Variants in TMEM178B observed in about 807,000 individuals in gnomAD.
TMEM178B encodes the protein transmembrane protein 178B.
Under a neutral mutation model 31.0 loss-of-function variants are expected in TMEM178B, and 5 were observed. That is an observed-to-expected ratio of 0.16 (90% confidence interval 0.08 to 0.34). The LOEUF (loss-of-function observed/expected upper bound fraction) is 0.34. Among genes scored for constraint, TMEM178B ranks in the 10% least tolerant of loss-of-function variants. The pLI is 1.00. For synonymous variants in TMEM178B, 164 were observed against 164.0 expected (o/e 1.00, Z 0.00); for missense variants, 275 against 400.3 (o/e 0.69, Z 2.67).
intron 1 of TMEM178B, among the ~76,000 whole-genome samples, chr7:141,077,881 T>G (rs1350766298): frequency 5.3e-5 from 8 of 152,260 alleles, no homozygotes; most frequent in African/African-American, 1.9e-4. Context: ...GGACGATTTC[T>G]TGAGCTTTGC....
intron 2 of TMEM178B, among the ~76,000 whole-genome samples, chr7:141,371,560 G>T (rs1308184939): frequency 6.6e-6 from 1 of 152,212 alleles, no homozygotes; most frequent in African/African-American, 2.4e-5. Flanking sequence ...AATAAGTGGG[G>T]CTAGAAGGAA....
chr7:141,111,312 C>A (rs974394256), intron 1 of TMEM178B, among the ~76,000 whole-genome samples: 7 of 152,118 alleles, frequency 4.6e-5, no homozygotes, highest in Admixed American at 1.3e-4. Flanking sequence ...AACCACCCCC[C>A]CAAGATTTGG....
chr7:141,119,702 T>C (rs953932739), intron 1 of TMEM178B, among the ~76,000 whole-genome samples: 3 of 152,098 alleles, frequency 2.0e-5, no homozygotes, highest in Non-Finnish European at 4.4e-5. Context: ...AAGGGTGAGA[T>C]GGAGGAAAGG....
chr7:141,156,769 C>T (rs1001141476), intron 1 of TMEM178B, among the ~76,000 whole-genome samples: 14 of 152,246 alleles, frequency 9.2e-5, no homozygotes, highest in Admixed American at 8.5e-4. Context: ...CAGGGAATTC[C>T]TTTGATGAGA....
intron 3 of TMEM178B, among the ~76,000 whole-genome samples, chr7:141,446,395 G>A (rs1212341287): frequency 3.9e-5 from 6 of 152,196 alleles, no homozygotes; most frequent in Admixed American, 2.0e-4. Flanking sequence ...CCACATGTTC[G>A]CCAGAGCAGG....
chr7:141,497,613 T>A, the TMEM178B span, among the ~76,000 whole-genome samples: 1 of 152,194 alleles, frequency 6.6e-6, no homozygotes, highest in African/African-American at 2.4e-5. Context: ...AGTCCACTGC[T>A]GCATCCCTCC....
At chr7:141,287,109 C>T (rs927930081) in intron 2 of TMEM178B, among the ~76,000 whole-genome samples, 4 of 152,036 alleles carry the variant, frequency 2.6e-5, no homozygotes, top group Non-Finnish European at 4.4e-5. Flanking sequence ...CTTCCATCCA[C>T]CTCCCCTTAT....
intron 1 of TMEM178B, among the ~76,000 whole-genome samples, chr7:141,145,672 G>A (rs1051010632): frequency 8.5e-5 from 13 of 152,148 alleles, no homozygotes; most frequent in Non-Finnish European, 7.4e-5. Context: ...AGAGTTCAGG[G>A]CCCCTTCCTG....
chr7:141,417,034 G>T (rs1801111908), intron 2 of TMEM178B, among the ~76,000 whole-genome samples: 1 of 152,186 alleles, frequency 6.6e-6, no homozygotes, highest in Admixed American at 6.5e-5. Context: ...AAAACAAATA[G>T]AAAAGCCTTT....
chr7:141,393,961 C>T (rs1563170084), intron 2 of TMEM178B, among the ~76,000 whole-genome samples: 1 of 151,782 alleles, frequency 6.6e-6, no homozygotes, highest in Admixed American at 6.6e-5. Flanking sequence ...GATGTTTACC[C>T]TCCATTATTT....
At chr7:141,223,955 C>A (rs946802452) in intron 2 of TMEM178B, among the ~76,000 whole-genome samples, 3 of 152,138 alleles carry the variant, frequency 2.0e-5, no homozygotes, top group South Asian at 2.1e-4. Context: ...CCAAATCTCA[C>A]CTTAAATTGT....
rs116897971 is a variant in TMEM178B, at chr7:141,164,559, G to C, written c.383-48032G>C. Reference sequence around the variant, plus strand: ...TACTCATGTGAAAAATGACAATTTGGACTAGATGGAATTTAAGACCAAGTC... The same window carrying C: ...TACTCATGTGAAAAATGACAATTTGCACTAGATGGAATTTAAGACCAAGTC... On this transcript the variant is annotated intron_variant, in intron 1 of 3. Coordinates refer to ENST00000565468, the MANE Select transcript of TMEM178B (RefSeq NM_001195278.2). Among the ~76,000 whole-genome samples the C allele has an allele frequency of 6.1e-4, 93 of 152,188 alleles. No homozygotes were observed. In the East Asian group the frequency reaches 6.9e-3, roughly 11 times the overall value.
At chr7:141,393,696 G>A (rs1245152242) in intron 2 of TMEM178B, among the ~76,000 whole-genome samples, 2 of 152,206 alleles carry the variant, frequency 1.3e-5, no homozygotes, top group African/African-American at 4.8e-5. Flanking sequence ...ATAATCTCAA[G>A]AAAACTGCAA....
At chr7:141,438,831 G>A (rs975143103) in intron 3 of TMEM178B, among the ~76,000 whole-genome samples, 5 of 145,780 alleles carry the variant, frequency 3.4e-5, no homozygotes, top group Non-Finnish European at 4.5e-5. Context: ...AGCCAAGATC[G>A]TGCCACTGCA....
At position 141,344,596 on chromosome 7, in the gene TMEM178B, CT is replaced by C. The variant is rs1799582001; in HGVS notation, c.497-93010del. ...CCTCCCTTCCTTCCTTCCTTCCTTC[CT>C]TCCTTCCTTCCTTCCTTCCTTCCTT... On this transcript the variant is annotated intron_variant, in intron 2 of 3. Transcript: ENST00000565468. The surrounding 1 kb of genome is among the most constrained non-coding windows in gnomAD (Gnocchi z 4.1). Among the ~76,000 whole-genome samples, 1 of 149,390 alleles carries C rather than the reference CT, an allele frequency of 6.7e-6. No homozygotes were observed. Among genetic ancestry groups the C allele is most frequent in the Non-Finnish European group, 1.5e-5 (1 of 67,444 alleles).
At chr7:141,215,337 A>ATTTTTTTT (rs67571979) in intron 2 of TMEM178B, among the ~76,000 whole-genome samples, 6 of 141,482 alleles carry the variant, frequency 4.2e-5, no homozygotes, top group Admixed American at 7.3e-5. Context: ...TATTATTATT[A>ATTTTTTTT]TTTTTTGAGA....
chr7:141,209,137 C>T (rs143976392), intron 1 of TMEM178B, among the ~76,000 whole-genome samples: 394 of 152,376 alleles, frequency 2.6e-3, no homozygotes, highest in African/African-American at 9.0e-3. Context: ...ACCTGCCCAA[C>T]TGCACATGTC....
chr7:141,371,800 A>G (rs1327201188), intron 2 of TMEM178B, among the ~76,000 whole-genome samples: 1 of 150,834 alleles, frequency 6.6e-6, no homozygotes, highest in Non-Finnish European at 1.5e-5. Flanking sequence ...CACCTACACA[A>G]CCTCTCCTCC....
intron 1 of TMEM178B, among the ~76,000 whole-genome samples, chr7:141,100,256 G>A (rs1394668513): frequency 6.6e-6 from 1 of 151,110 alleles, no homozygotes. Flanking sequence ...ATGTTTGGTT[G>A]GGCCACGTAT....
Sources: allele counts gnomAD v4.1 joint callset (sites outside exome capture counted in the v4.1 genomes callset), GRCh38; gene constraint gnomAD v4.1.1; non-coding constraint Gnocchi (gnomAD v3.1); transcripts MANE v1.5; gene names NCBI Gene and HGNC (gene_info 2026-07-23, HGNC 2026-07-21).